MFN2: variants seen among roughly 807,000 people sequenced by gnomAD.
The protein encoded by MFN2 is mitofusin 2, also known as mitofusin-2.
MFN2 carries 43 observed loss-of-function variants against 87.5 expected under a neutral mutation model. That is an observed-to-expected ratio of 0.49 (90% CI 0.38 to 0.63). The LOEUF (loss-of-function observed/expected upper bound fraction) is 0.63. Ranked by LOEUF, MFN2 falls within the 30% of genes least tolerant of loss-of-function variation. The probability of loss-of-function intolerance (pLI) is 0.00; values close to 1 mark genes in which losing one functional copy is unlikely to be tolerated. For missense variants in MFN2, 743 were observed against 972.8 expected, an observed-to-expected ratio of 0.76 and a Z score of 3.14; for synonymous variants, 337 against 359.9, an observed-to-expected ratio of 0.94 and a Z score of 0.72.
At chr1:11,998,966 C>G (rs771943250) in intron 7 of MFN2, 22 bp from the exon 8 acceptor site, 3 of 1,613,278 alleles carry the variant, frequency 1.9e-6, no homozygotes, top group East Asian at 4.5e-5. Flanking sequence ...CCTGCTCCAC[C>G]GAGGTCTTAC....
At chr1:11,987,274 T>C (rs374336346) in intron 2 of MFN2, among the ~76,000 whole-genome samples, 3 of 148,270 alleles carry the variant, frequency 2.0e-5, no homozygotes, top group South Asian at 2.1e-4. Flanking sequence ...ATTGCACCAC[T>C]GCACCCAGCC....
At position 12,013,299 on chromosome 1, in the gene MFN2, C is replaced by G. The variant is rs976400039; in HGVS notation, c.*1734C>G. On this transcript the variant is annotated 3_prime_UTR_variant, in exon 19 of 19. Transcript: ENST00000235329. Reference sequence around the variant, plus strand: ...TCAATACGTAAAATTAAATTTATACCACTGAGGGAGAGACCCTTTCTGAAA... The same window carrying G: ...TCAATACGTAAAATTAAATTTATACGACTGAGGGAGAGACCCTTTCTGAAA... 27 of 457,760 alleles carry G rather than the reference C, an allele frequency of 5.9e-5. No homozygotes were observed. The highest frequency in any genetic ancestry group is 5.5e-4 in the African/African-American group (27 of 49,420). The allele number at this position is 457,760 out of a possible 1,614,324, so 28.4% of individuals were successfully genotyped here.
chr1:11,988,459 G>A (rs1036850534), intron 2 of MFN2, among the ~76,000 whole-genome samples: 3 of 145,472 alleles, frequency 2.1e-5, no homozygotes, highest in African/African-American at 7.7e-5. Context: ...GGCTTGTCTC[G>A]AACTCCAAAG....
rs1230108993 is a variant in MFN2 at position 12,011,940 on chromosome 1, A to G, written c.*375A>G. On this transcript the variant is annotated 3_prime_UTR_variant, in exon 19 of 19. Transcript: ENST00000235329. Reference sequence around the variant, plus strand: ...TTGAGGGTATCACACAGACACCCCCACCTTCCTCCAGCCTGTGCGCACCTG... The same window carrying G: ...TTGAGGGTATCACACAGACACCCCCGCCTTCCTCCAGCCTGTGCGCACCTG... 1 of 305,718 alleles carries G rather than the reference A, an allele frequency of 3.3e-6. No individual in the cohort carries two copies. Among genetic ancestry groups the G allele is most frequent in the Admixed American group, 4.3e-5 (1 of 23,250 alleles). The allele number at this position is 305,718 out of a possible 1,614,324, so 18.9% of individuals were successfully genotyped here.
Position 12,013,291 on chromosome 1 carries a change from A to G in MFN2, c.*1726A>G. 2.2e-6 allele frequency: 1 copy of G among 449,498 alleles called. No homozygotes were observed. The highest frequency in any genetic ancestry group is 4.6e-6 in the Non-Finnish European group (1 of 216,950). 27.8% of individuals were successfully genotyped at this position (449,498 alleles called of 1,614,324 possible). ...GAGCTTCTTCAATACGTAAAATTAA[A>G]TTTATACCACTGAGGGAGAGACCCT... On this transcript the variant is annotated 3_prime_UTR_variant, in exon 19 of 19. Transcript: ENST00000235329.
At chr1:11,997,534 C>G in intron 6 of MFN2, 113 bp downstream of exon 6, 1 of 1,447,086 alleles carries the variant, frequency 6.9e-7, no homozygotes, top group Non-Finnish European at 9.6e-7. Flanking sequence ...TTAAGTATTA[C>G]TACCTTTCAG....
At chr1:11,983,419 A>G (rs1251349520) in intron 2 of MFN2, among the ~76,000 whole-genome samples, 2 of 152,136 alleles carry the variant, frequency 1.3e-5, no homozygotes, top group East Asian at 1.9e-4. Flanking sequence ...CCTTCTTTAC[A>G]TGGGATATTG....
At chr1:11,987,609 G>A (rs1384861467) in intron 2 of MFN2, among the ~76,000 whole-genome samples, 1 of 127,166 alleles carries the variant, frequency 7.9e-6, no homozygotes, top group Admixed American at 8.5e-5. Flanking sequence ...CAGCCTGAGC[G>A]ATAGAGCAAG....
intron 4 of MFN2, among the ~76,000 whole-genome samples, chr1:11,992,947 G>A (rs552223229): frequency 1.4e-5 from 2 of 146,070 alleles, no homozygotes; most frequent in South Asian, 4.5e-4. Context: ...GGGACTGCAG[G>A]TGCATGCCAT....
rs764683093 is a variant in MFN2, at chr1:12,007,098, C to A, written c.1918C>A (p.Leu640Ile). ...GWRLIALSFG[L>I]YGLLYVYERL... The stretch of plus-strand genomic sequence containing the variant: ...GCGGCTCATTGCCCTCTCCTTTGGG[C>A]TCTATGGCCTCCTCTACGTCTATGA... Residue 640 changes from leucine to isoleucine, a missense_variant, in exon 17 of 19, where the codon CTC (leucine) becomes ATC (isoleucine). By Grantham distance (5) the Leu-to-Ile change is conservative. Transcript: ENST00000235329. 2.5e-6 allele frequency: 4 copies of A among 1,614,182 alleles called. No individual in the cohort carries two copies. Among genetic ancestry groups the A allele is most frequent in the Admixed American group, 1.7e-5 (1 of 60,036 alleles).
intron 16 of MFN2, 106 bp from the exon 17 acceptor site, chr1:12,006,947 G>A: frequency 1.4e-6 from 2 of 1,444,986 alleles, no homozygotes; most frequent in Non-Finnish European, 1.9e-6. Context: ...GTAGAAACAT[G>A]AAGGCTCCTT....
intron 2 of MFN2, among the ~76,000 whole-genome samples, chr1:11,987,637 A>G (rs934662483): frequency 2.2e-4 from 34 of 151,408 alleles, no homozygotes; most frequent in African/African-American, 7.8e-4. Context: ...CTCAGAAAAA[A>G]AAAAAAAAAA....
rs1188955284 is a variant in MFN2 at position 11,980,475 on chromosome 1, G to T, written c.-159G>T. 2.3e-5 allele frequency: 9 copies of T among 398,232 alleles called. No individual in the cohort carries two copies. Among genetic ancestry groups the T allele is most frequent in the Non-Finnish European group, 4.0e-5 (9 of 225,852 alleles). 24.7% of individuals were successfully genotyped at this position (398,232 alleles called of 1,614,324 possible). On this transcript the variant is annotated 5_prime_UTR_variant, in exon 1 of 19. Coordinates refer to ENST00000235329, the MANE Select transcript of MFN2 (RefSeq NM_014874.4). ...AGTGTGATGGCCGCCGCGAGGCCGG[G>T]AAGGTGAAGGTGAGAGGGCGAGCAA...
chr1:12,009,672 T>C lies in MFN2; in HGVS notation c.2150T>C (p.Met717Thr), dbSNP rs1639602405. The change falls in exon 18 of 19, where the codon ATG becomes ACG. Residue 717 changes from methionine to threonine, a missense_variant. This residue lies in a region of MFN2 where 571 missense variants were observed against 670.7 expected (regional missense o/e 0.85). Transcript: ENST00000235329. ...RENLEQEIAA[M>T]NKKIEVLDSL... ...AACCTGGAGCAGGAAATTGCCGCCA[T>C]GAACAAGAAAATTGAGGTTCTTGAC... 1.2e-6 allele frequency: 2 copies of C among 1,614,210 alleles called. No homozygotes were observed. Among genetic ancestry groups the C allele is most frequent in the Non-Finnish European group, 1.7e-6 (2 of 1,180,038 alleles).
chr1:12,005,067 T>A, intron 14 of MFN2, 140 bp downstream of exon 14: 1 of 740,154 alleles, frequency 1.4e-6, no homozygotes. Flanking sequence ...AGGTTCTGGG[T>A]ACATGTTCTG....
chr1:11,982,449 T>C (rs4845891), intron 2 of MFN2: 81,119 of 151,968 alleles, frequency 0.53, 22,523 homozygotes, highest in East Asian at 0.68. Context: ...CACTGCTCTT[T>C]TAAGACTCTG....
intron 8 of MFN2, among the ~76,000 whole-genome samples, chr1:12,000,433 G>T (rs985350485): frequency 3.9e-5 from 6 of 151,998 alleles, no homozygotes; most frequent in African/African-American, 1.4e-4. Flanking sequence ...TAAGTGATCC[G>T]CCCGCCTCGG....
chr1:11,992,522 A>G, intron 3 of MFN2, 33 bp from the exon 4 acceptor site: 1 of 1,614,034 alleles, frequency 6.2e-7, no homozygotes, highest in South Asian at 1.1e-5. Flanking sequence ...TCCTCTGACC[A>G]CGTGGTGACC....
chr1:11,997,451 C>G, intron 6 of MFN2, 30 bp downstream of exon 6: 5 of 1,613,150 alleles, frequency 3.1e-6, no homozygotes, highest in Non-Finnish European at 3.4e-6. Context: ...CTAGGAGGTC[C>G]AAACTGGAAG....
Sources: gnomAD v4.1 joint callset for allele counts (sites outside exome capture counted in the v4.1 genomes callset) on GRCh38, gnomAD v4.1.1 for gene constraint, gnomAD v4.1.1 regional missense constraint, MANE v1.5 for transcripts, NCBI Gene and HGNC (gene_info 2026-07-23, HGNC 2026-07-21) for gene names.